MAGI2: variants seen among roughly 807,000 people sequenced by gnomAD.
MAGI2 encodes the protein membrane associated guanylate kinase, WW and PDZ domain containing 2, also known as membrane-associated guanylate kinase, WW and PDZ domain-containing protein 2.
In MAGI2, 35 loss-of-function variants were observed where a neutral mutation model predicts 133.3. The ratio of observed to expected loss-of-function variants is 0.26; its 90% CI spans 0.20 to 0.35. The LOEUF (loss-of-function observed/expected upper bound fraction) is 0.35. Ranked by LOEUF, MAGI2 falls within the 10% of genes least tolerant of loss-of-function variation. The probability of loss-of-function intolerance (pLI) is 1.00; values close to 1 mark genes in which losing one functional copy is unlikely to be tolerated. For missense variants in MAGI2, 1,636 were observed against 1,863.4 expected, an observed-to-expected ratio of 0.88 and a Z score of 2.25; for synonymous variants, 729 against 710.6, an observed-to-expected ratio of 1.03 and a Z score of -0.41.
Position 78,325,768 on chromosome 7 carries a change from C to T in MAGI2, c.1408+18010G>A, listed in dbSNP as rs1205216322. ...ACTGACCCAACCCAAGTGGAAGCCACAGGGCAAGGGAGCCCATTGGTGCAG... is the reference window on the plus strand; with the variant it reads ...ACTGACCCAACCCAAGTGGAAGCCATAGGGCAAGGGAGCCCATTGGTGCAG... On this transcript the variant is annotated intron_variant, in intron 9 of 21. Transcript: ENST00000354212. Among the ~76,000 whole-genome samples, 4 of 152,194 alleles carry T rather than the reference C, an allele frequency of 2.6e-5. No homozygotes were observed. In the East Asian group the frequency reaches 7.7e-4, roughly 29 times the overall value.
chr7:78,864,030 C>A (rs768961299), intron 2 of MAGI2, among the ~76,000 whole-genome samples: 6 of 152,150 alleles, frequency 3.9e-5, no homozygotes, highest in Non-Finnish European at 5.9e-5. Context: ...AAGAGTTAAG[C>A]TTTTGATTTA....
chr7:78,740,074 T>C (rs1416770983), intron 2 of MAGI2, among the ~76,000 whole-genome samples: 7 of 151,468 alleles, frequency 4.6e-5, no homozygotes, highest in Admixed American at 1.3e-4. Context: ...GGCAGGAGAA[T>C]GGCGTGAACC....
chr7:78,154,556 GC>G (rs1824199318), intron 16 of MAGI2, among the ~76,000 whole-genome samples: 1 of 152,196 alleles, frequency 6.6e-6, no homozygotes, highest in Non-Finnish European at 1.5e-5. Flanking sequence ...GTTCTAACCT[GC>G]TGCTTGTTAT....
intron 1 of MAGI2, among the ~76,000 whole-genome samples, chr7:79,343,015 C>T (rs557248566): frequency 4.9e-4 from 74 of 152,140 alleles, no homozygotes; most frequent in African/African-American, 1.6e-3. Context: ...CCACCCATCT[C>T]GGCCTCCCAA....
intron 9 of MAGI2, among the ~76,000 whole-genome samples, chr7:78,338,745 A>T (rs1335990517): frequency 1.3e-5 from 2 of 152,230 alleles, no homozygotes; most frequent in Non-Finnish European, 1.5e-5. Context: ...AATATTTAAC[A>T]AGCATTACAT....
At chr7:78,923,145 C>T (rs1272521378) in intron 2 of MAGI2, among the ~76,000 whole-genome samples, 3 of 152,070 alleles carry the variant, frequency 2.0e-5, no homozygotes, top group East Asian at 1.9e-4. Context: ...TTGTAGGTTG[C>T]CTGTTCACAC....
At chr7:78,357,383 AC>A in intron 7 of MAGI2, among the ~76,000 whole-genome samples, 1 of 152,338 alleles carries the variant, frequency 6.6e-6, no homozygotes, top group South Asian at 2.1e-4. Flanking sequence ...ATTAATAGTT[AC>A]TAAATAAGAC....
chr7:78,765,052 T>G (rs180958487), intron 2 of MAGI2, among the ~76,000 whole-genome samples: 1 of 152,144 alleles, frequency 6.6e-6, no homozygotes, highest in African/African-American at 2.4e-5. Context: ...CAGACTATGA[T>G]TTTGCCAGAC....
chr7:79,445,414 C>T lies in MAGI2; in HGVS notation c.301+7606G>A, dbSNP rs551377899. On this transcript the variant is annotated intron_variant, in intron 1 of 21. Coordinates refer to ENST00000354212, the MANE Select transcript of MAGI2 (RefSeq NM_012301.4). ...TGGGAGAAAATTTTTGCAGTCTATC[C>T]ATCTGACAAAGGGCTAATATCCAGA... is the stretch of plus-strand genomic sequence containing the variant. Among the ~76,000 whole-genome samples the T allele has an allele frequency of 2.4e-4, 36 of 152,226 alleles. No homozygotes were observed. In the South Asian group the frequency reaches 7.3e-3, roughly 31 times the overall value.
At chr7:78,279,300 A>T (rs1294782399) in intron 9 of MAGI2, among the ~76,000 whole-genome samples, 1 of 152,024 alleles carries the variant, frequency 6.6e-6, no homozygotes, top group Non-Finnish European at 1.5e-5. Flanking sequence ...GTCCAAAAAC[A>T]TTTGTCTAGG....
At chr7:78,520,617 G>A (rs570024770) in intron 4 of MAGI2, among the ~76,000 whole-genome samples, 5 of 152,100 alleles carry the variant, frequency 3.3e-5, no homozygotes, top group African/African-American at 1.2e-4. Flanking sequence ...CTTACTCCAA[G>A]AGGCTACCAA....
At chr7:78,444,830 TTA>T (rs1386682081) in intron 6 of MAGI2, among the ~76,000 whole-genome samples, 1 of 148,940 alleles carries the variant, frequency 6.7e-6, no homozygotes, top group African/African-American at 2.4e-5. Flanking sequence ...ACTTATATAT[TTA>T]TATAATGTAT....
At chr7:78,492,876 G>A (rs1183287175) in intron 5 of MAGI2, among the ~76,000 whole-genome samples, 1 of 152,052 alleles carries the variant, frequency 6.6e-6, no homozygotes, top group Non-Finnish European at 1.5e-5. Flanking sequence ...TATTCCAGCT[G>A]GACAATGCAA....
intron 2 of MAGI2, among the ~76,000 whole-genome samples, chr7:78,693,605 G>A (rs1817197357): frequency 6.6e-6 from 1 of 152,128 alleles, no homozygotes; most frequent in Non-Finnish European, 1.5e-5. Flanking sequence ...GGCTTGGGAA[G>A]GAATCATGGC....
At chr7:78,625,261 A>C (rs986386598) in intron 3 of MAGI2, among the ~76,000 whole-genome samples, 3 of 152,164 alleles carry the variant, frequency 2.0e-5, no homozygotes, top group South Asian at 2.1e-4. Context: ...GACAAATATA[A>C]AAATGATTGG....
intron 3 of MAGI2, among the ~76,000 whole-genome samples, chr7:78,596,184 G>GAGCGAGGGAAGGAATGA (rs1804583660): frequency 1.7e-5 from 2 of 120,244 alleles, no homozygotes; most frequent in Non-Finnish European, 3.5e-5. Flanking sequence ...TGAAGGAAGG[G>GAGCGAGGGAAGGAATGA]AGGGAGGGAG....
At position 78,485,579 on chromosome 7, in the gene MAGI2, T is replaced by TAG. The variant is rs1792910140; in HGVS notation, c.1045+4180_1045+4181dup. 3 of 152,152 alleles carry TAG rather than the reference T, an allele frequency of 2.0e-5. No homozygotes were observed. The South Asian group carries it at 6.2e-4, about 32-fold the overall frequency. 9.4% of individuals were successfully genotyped at this position (152,152 alleles called of 1,614,324 possible). ...ACTTTTGTTAGTTTTTTCTCTAGTC[T>TAG]AGTTAGTATCCCCTCTCATCTCTCT... On this transcript the variant is annotated intron_variant, in intron 6 of 21. Transcript: ENST00000354212.
intron 9 of MAGI2, among the ~76,000 whole-genome samples, chr7:78,276,720 T>C (rs1403256378): frequency 6.6e-6 from 1 of 152,194 alleles, no homozygotes; most frequent in African/African-American, 2.4e-5. Context: ...TACAATATCA[T>C]CTTTATTTTC....
chr7:78,307,248 C>T (rs185520406), intron 9 of MAGI2, among the ~76,000 whole-genome samples: 142 of 152,204 alleles, frequency 9.3e-4, no homozygotes, highest in African/African-American at 3.2e-3. Flanking sequence ...ATTTTCACTC[C>T]TATTACTGCT....
Sources: allele counts gnomAD v4.1 joint callset (sites outside exome capture counted in the v4.1 genomes callset), GRCh38; gene constraint gnomAD v4.1.1; transcripts MANE v1.5; gene names NCBI Gene and HGNC (gene_info 2026-07-23, HGNC 2026-07-21).